LARGE1: variants seen among roughly 807,000 people sequenced by gnomAD.
LARGE1 encodes xylosyl- and glucuronyltransferase LARGE1.
Under a neutral mutation model 87.6 loss-of-function variants are expected in LARGE1, and 43 were observed. The observed-to-expected ratio is 0.49, with a 90% confidence interval of 0.38 to 0.63. The LOEUF (loss-of-function observed/expected upper bound fraction) is 0.63, where lower values mean the gene tolerates loss of function less well. LARGE1 is among the 30% of genes least tolerant of loss of function. The pLI is 0.00. For synonymous variants in LARGE1, 434 were observed against 394.6 expected, an observed-to-expected ratio of 1.10 and a Z score of -1.18; for missense variants, 802 against 1,000.2, an observed-to-expected ratio of 0.80 and a Z score of 2.67.
intron 4 of LARGE1, among the ~76,000 whole-genome samples, chr22:33,621,935 C>A (rs930921135): frequency 3.3e-5 from 5 of 152,144 alleles, no homozygotes; most frequent in Non-Finnish European, 5.9e-5. Flanking sequence ...ACTGGAGAAT[C>A]CAGGAAAGGC....
chr22:33,251,957 C>T (rs912017857), intron 11 of LARGE1, among the ~76,000 whole-genome samples: 6 of 152,220 alleles, frequency 3.9e-5, no homozygotes, highest in African/African-American at 1.2e-4. Context: ...TAGAGTCCAT[C>T]TCACAGAGCT....
chr22:33,399,431 T>G (rs1464259942), intron 7 of LARGE1, among the ~76,000 whole-genome samples: 1 of 152,234 alleles, frequency 6.6e-6, no homozygotes, highest in African/African-American at 2.4e-5. Flanking sequence ...TTGTAAATAG[T>G]GCTGCAATAA....
intron 11 of LARGE1, among the ~76,000 whole-genome samples, chr22:33,304,855 A>G (rs1934658226): frequency 6.6e-6 from 1 of 152,188 alleles, no homozygotes; most frequent in Non-Finnish European, 1.5e-5. Flanking sequence ...CAAAGGTATA[A>G]AAAAGCTCTG....
intron 6 of LARGE1, among the ~76,000 whole-genome samples, chr22:33,484,074 G>A (rs761930871): frequency 3.3e-5 from 5 of 152,156 alleles, no homozygotes; most frequent in Admixed American, 1.3e-4. Flanking sequence ...GGCTGTACAC[G>A]TGACACCTTC....
intron 6 of LARGE1, among the ~76,000 whole-genome samples, chr22:33,460,484 T>C (rs1321107618): frequency 6.6e-6 from 1 of 152,124 alleles, no homozygotes; most frequent in African/African-American, 2.4e-5. Flanking sequence ...AAAAATGCTA[T>C]GTAAAAATAA....
At chr22:33,814,079 CAT>C (rs1296248146) in intron 1 of LARGE1, among the ~76,000 whole-genome samples, 9 of 152,178 alleles carry the variant, frequency 5.9e-5, no homozygotes, top group African/African-American at 2.2e-4. Flanking sequence ...GAGTGTAAAT[CAT>C]ATCTCGTCTC....
At chr22:33,871,557 A>T (rs1190955801) in intron 1 of LARGE1, among the ~76,000 whole-genome samples, 1 of 152,212 alleles carries the variant, frequency 6.6e-6, no homozygotes, top group Non-Finnish European at 1.5e-5. Context: ...GGTAAATAAC[A>T]GATGGCTTTA....
intron 1 of LARGE1, among the ~76,000 whole-genome samples, chr22:33,804,503 G>A (rs1853848944): frequency 6.6e-6 from 1 of 152,148 alleles, no homozygotes; most frequent in Non-Finnish European, 1.5e-5. Context: ...TCAAAAGGGA[G>A]GCTGCAAGAG....
chr22:33,520,646 G>A (rs930666143), intron 6 of LARGE1, among the ~76,000 whole-genome samples: 2 of 152,218 alleles, frequency 1.3e-5, no homozygotes, highest in Non-Finnish European at 2.9e-5. Flanking sequence ...ATCCCAGTCT[G>A]CTCTGCCTGA....
At chr22:33,383,574 A>C (rs948591728) in intron 8 of LARGE1, among the ~76,000 whole-genome samples, 1 of 152,196 alleles carries the variant, frequency 6.6e-6, no homozygotes, top group Non-Finnish European at 1.5e-5. Flanking sequence ...ATAAAATAAA[A>C]TAATAAAAAT....
downstream of LARGE1, among the ~76,000 whole-genome samples, chr22:33,271,954 T>C (rs947777758): frequency 2.0e-5 from 3 of 152,254 alleles, no homozygotes; most frequent in African/African-American, 4.8e-5. Flanking sequence ...TGAAGGTACA[T>C]CATCTTCTAG....
chr22:33,859,936 A>T (rs986030239), intron 1 of LARGE1, among the ~76,000 whole-genome samples: 6 of 152,192 alleles, frequency 3.9e-5, no homozygotes, highest in African/African-American at 1.4e-4. Flanking sequence ...TCAAACCCAT[A>T]GAGAATGCTG....
At chr22:33,843,593 C>G (rs1386558491) in intron 1 of LARGE1, among the ~76,000 whole-genome samples, 1 of 151,988 alleles carries the variant, frequency 6.6e-6, no homozygotes, top group African/African-American at 2.4e-5. Flanking sequence ...AGTCCCACCA[C>G]CATCCTCTCC....
chr22:33,377,774 A>C lies in LARGE1; in HGVS notation c.1131+4145T>G, dbSNP rs774898412. ...TCTATCTCTTTTCATTCTGTGTTGCATCTTGGGTAATTTCTTATACCTCTT... is the reference window on the plus strand; with the variant it reads ...TCTATCTCTTTTCATTCTGTGTTGCCTCTTGGGTAATTTCTTATACCTCTT... On this transcript the variant is annotated intron_variant, in intron 9 of 14. Transcript: ENST00000397394. Among the ~76,000 whole-genome samples the C allele has an allele frequency of 2.0e-5, 3 of 152,026 alleles. No individual in the cohort carries two copies. In the South Asian group the frequency reaches 6.2e-4, roughly 32 times the overall value.
Position 33,283,113 on chromosome 22 carries a change from C to T in LARGE1, c.1877+89G>A, listed in dbSNP as rs5998842. ...ACAATGGACTAAGGCGAGCGACAAA[C>T]TTCCAGATCGATAGCTTTGGCATCT... is the stretch of plus-strand genomic sequence containing the variant. On this transcript the variant is annotated intron_variant, in intron 13 of 14. Coordinates refer to ENST00000397394, the MANE Select transcript of LARGE1 (RefSeq NM_133642.5). 5.3e-3 allele frequency: 8,160 copies of T among 1,553,520 alleles called. 365 individuals are homozygous for T. In the African/African-American group the frequency reaches 0.095, roughly 18 times the overall value.
intron 6 of LARGE1, among the ~76,000 whole-genome samples, chr22:33,506,333 A>G (rs1174339934): frequency 6.6e-6 from 1 of 152,170 alleles, no homozygotes; most frequent in Non-Finnish European, 1.5e-5. Context: ...CTAGGCACAG[A>G]AGCCATACAT....
intron 2 of LARGE1, among the ~76,000 whole-genome samples, chr22:33,739,057 C>G (rs2283936): frequency 0.31 from 46,161 of 151,226 alleles, 9,583 homozygotes; most frequent in African/African-American, 0.6. Context: ...CCTCAGCGTA[C>G]GTACTTACTC....
chr22:33,713,972 G>GTAACGTAACGTAACATAACA lies in LARGE1; in HGVS notation c.106+47398_106+47399insTGTTATGTTACGTTACGTTA, dbSNP rs1426662781. Among the ~76,000 whole-genome samples, 170 of 119,758 alleles carry GTAACGTAACGTAACATAACA rather than the reference G, an allele frequency of 1.4e-3. 1 individual carries two copies. The highest frequency in any genetic ancestry group is 6.1e-3 in the South Asian group (23 of 3,784). The allele number at this position is 119,758 out of a possible 152,430, so 78.6% of individuals were successfully genotyped here. A position where few individuals can be genotyped will look rare whatever the true frequency, so the allele number is the denominator to read the frequency against. ...CTGTCTCAAAGAAAAAGTAAATAAC[G>GTAACGTAACGTAACATAACA]TAACATAACGTAACATAACATAACA... On this transcript the variant is annotated intron_variant, in intron 2 of 14. Coordinates refer to ENST00000397394, the MANE Select transcript of LARGE1 (RefSeq NM_133642.5).
rs539558569 is a variant in LARGE1 at position 33,594,837 on chromosome 22, C to T, written c.615+9598G>A. 2.5e-3 allele frequency among the ~76,000 whole-genome samples: 386 copies of T among 152,256 alleles called. 1 individual carries two copies. Among genetic ancestry groups the T allele is most frequent in the Non-Finnish European group, 3.9e-3 (265 of 68,024 alleles). ...GGCCAGGCTGGTCTCGAACTCCTGACCTTAGGTGGTCCACCTGCCTCAGCC... is the reference window on the plus strand; with the variant it reads ...GGCCAGGCTGGTCTCGAACTCCTGATCTTAGGTGGTCCACCTGCCTCAGCC... On this transcript the variant is annotated intron_variant, in intron 5 of 14. Coordinates refer to ENST00000397394, the MANE Select transcript of LARGE1 (RefSeq NM_133642.5).
Sources: allele counts gnomAD v4.1 joint callset (sites outside exome capture counted in the v4.1 genomes callset), GRCh38; gene constraint gnomAD v4.1.1; transcripts MANE v1.5; gene names NCBI Gene and HGNC (gene_info 2026-07-23, HGNC 2026-07-21).